The following PDE9A variants were observed in gnomAD, a reference collection of about 807,000 sequenced individuals.
PDE9A encodes phosphodiesterase 9A, also known as high affinity cGMP-specific 3',5'-cyclic phosphodiesterase 9A.
A neutral mutation model predicts 87.4 loss-of-function variants in PDE9A; 60 were observed. The observed-to-expected ratio is 0.69, with a 90% confidence interval of 0.56 to 0.85. The LOEUF is 0.85. PDE9A is among the 40% of genes least tolerant of loss of function. The probability of loss-of-function intolerance (pLI) is 0.00; values close to 1 mark genes in which losing one functional copy is unlikely to be tolerated. For missense variants in PDE9A, 665 were observed against 779.0 expected (o/e 0.85, Z 1.74); for synonymous variants, 272 against 279.4 (o/e 0.97, Z 0.27).
intron 3 of PDE9A, chr21:42,697,407 T>C: frequency 6.3e-7 from 1 of 1,598,972 alleles, no homozygotes; most frequent in East Asian, 2.2e-5. Context: ...CTGTGTTTCT[T>C]CTTCCAGGAA....
rs1228619146 is a variant in PDE9A, at chr21:42,746,339, C to T, written c.653+2479C>T. 2.6e-5 allele frequency among the ~76,000 whole-genome samples: 4 copies of T among 152,200 alleles called. No individual in the cohort carries two copies. The South Asian group carries it at 6.2e-4, about 24-fold the overall frequency. On this transcript the variant is annotated intron_variant, in intron 8 of 19. Transcript: ENST00000291539. The stretch of plus-strand genomic sequence containing the variant: ...CAGCTTAAAACAATAGAAATGTATT[C>T]CCACATAGTTCTGGAGGCCACAAGT...
intron 1 of PDE9A, 62 bp downstream of exon 1, chr21:42,653,945 G>A: frequency 2.9e-6 from 3 of 1,019,496 alleles, no homozygotes; most frequent in South Asian, 2.9e-5. Flanking sequence ...GGGGCCGGGC[G>A]CGGCGGGGCG....
In PDE9A at chr21:42,709,275, G is replaced by A. The variant is rs376790883; in HGVS notation, c.262+10264G>A. Among the ~76,000 whole-genome samples, 20 of 152,212 alleles carry A rather than the reference G, an allele frequency of 1.3e-4. No individual in the cohort carries two copies. In the South Asian group the frequency reaches 1.9e-3, roughly 14 times the overall value. ...AATGAGAACACATGGACACAGGGAG[G>A]GGAATAACACACACTGGGGCCTGTT... On this transcript the variant is annotated intron_variant, in intron 4 of 19. Coordinates refer to ENST00000291539, the MANE Select transcript of PDE9A (RefSeq NM_002606.3).
intron 1 of PDE9A, among the ~76,000 whole-genome samples, chr21:42,684,949 C>A (rs1411771380): frequency 6.6e-6 from 1 of 151,016 alleles, no homozygotes; most frequent in Non-Finnish European, 1.5e-5. Flanking sequence ...TTCACTGTTT[C>A]CAAGTAAAGA....
At chr21:42,721,477 G>A (rs1373588360) in intron 4 of PDE9A, among the ~76,000 whole-genome samples, 1 of 152,204 alleles carries the variant, frequency 6.6e-6, no homozygotes, top group African/African-American at 2.4e-5. Flanking sequence ...GGCAGGACAG[G>A]CCAGAGGAAG....
At chr21:42,654,913 C>G (rs2056933373) in intron 1 of PDE9A, among the ~76,000 whole-genome samples, 1 of 152,130 alleles carries the variant, frequency 6.6e-6, no homozygotes. Context: ...TCTTCAAGGA[C>G]AGGTGGTCAC....
chr21:42,729,181 T>C (rs966817151), intron 4 of PDE9A, among the ~76,000 whole-genome samples: 2 of 152,176 alleles, frequency 1.3e-5, no homozygotes, highest in Admixed American at 1.3e-4. Context: ...TTGCTATAGG[T>C]TGTTTAAATT....
At chr21:42,738,823 T>G (rs558592231) in intron 7 of PDE9A, among the ~76,000 whole-genome samples, 1 of 152,180 alleles carries the variant, frequency 6.6e-6, no homozygotes. Context: ...GTAGCTGGAA[T>G]TACAGGCAGC....
intron 9 of PDE9A, 49 bp downstream of exon 9, chr21:42,751,246 C>A: frequency 1.5e-6 from 2 of 1,312,316 alleles, no homozygotes; most frequent in Non-Finnish European, 2.2e-6. Flanking sequence ...GTCCCCAGCC[C>A]CACGCCCAGC....
In PDE9A at chr21:42,675,596, G is replaced by A. The variant is rs367870521; in HGVS notation, c.70-10596G>A. Among the ~76,000 whole-genome samples the A allele has an allele frequency of 9.2e-5, 14 of 152,318 alleles. No homozygotes were observed. The East Asian group carries it at 1.5e-3, about 17-fold the overall frequency. ...TCCGACAGCGCTGTGTGGATACACG[G>A]GCCCGAACGGCGCCAGCCTCACTGC... On this transcript the variant is annotated intron_variant, in intron 1 of 19. Coordinates refer to ENST00000291539, the MANE Select transcript of PDE9A (RefSeq NM_002606.3). The surrounding 1 kb of genome is among the most constrained non-coding windows in gnomAD (Gnocchi z 4.3).
chr21:42,739,792 A>G lies in PDE9A; in HGVS notation c.569-3984A>G, dbSNP rs1189743954. On this transcript the variant is annotated intron_variant, in intron 7 of 19. Transcript: ENST00000291539. The surrounding 1 kb of genome is among the most constrained non-coding windows in gnomAD (Gnocchi z 4.1). ...GAGCTGGCTTAAAACAGAGCCTTGT[A>G]TGGACATGGGAAAAAAATTATAGGT... Among the ~76,000 whole-genome samples, 1 of 152,140 alleles carries G rather than the reference A, an allele frequency of 6.6e-6. No individual in the cohort carries two copies. Among genetic ancestry groups the G allele is most frequent in the East Asian group, 1.9e-4 (1 of 5,194 alleles).
chr21:42,767,399 A>G (rs1039254603), intron 15 of PDE9A, among the ~76,000 whole-genome samples: 3 of 152,134 alleles, frequency 2.0e-5, no homozygotes, highest in African/African-American at 7.2e-5. Context: ...GACTCCACAG[A>G]GGAGTCAAAG....
In PDE9A at chr21:42,691,449, A is replaced by G. The variant is rs144521585; in HGVS notation, c.218+3455A>G. Reference sequence around the variant, plus strand: ...AGTCACCAGCCCCATCATCGTCACCATCCTATCCAAAGTCATCCAGTACCA... The same window carrying G: ...AGTCACCAGCCCCATCATCGTCACCGTCCTATCCAAAGTCATCCAGTACCA... On this transcript the variant is annotated intron_variant, in intron 3 of 19. Coordinates refer to ENST00000291539, the MANE Select transcript of PDE9A (RefSeq NM_002606.3). Among the ~76,000 whole-genome samples, 26 of 150,574 alleles carry G rather than the reference A, an allele frequency of 1.7e-4. No individual in the cohort carries two copies. In the East Asian group the frequency reaches 5.2e-3, roughly 30 times the overall value.
At chr21:42,666,978 C>CG (rs1442960356) in intron 1 of PDE9A, among the ~76,000 whole-genome samples, 1 of 152,208 alleles carries the variant, frequency 6.6e-6, no homozygotes, top group Non-Finnish European at 1.5e-5. Context: ...TGGTGACCGC[C>CG]GACTCGCCCT....
At chr21:42,772,358 A>G (rs1266456706) in intron 18 of PDE9A, 81 bp from the exon 19 acceptor site, 1 of 914,920 alleles carries the variant, frequency 1.1e-6, no homozygotes, top group East Asian at 2.6e-5. Context: ...CCTCCAGGCA[A>G]CAGAAGCTGC....
chr21:42,710,697 C>T lies in PDE9A; in HGVS notation c.262+11686C>T, dbSNP rs369429608. ...TTTGTGTAGTGTCTGTTCAACAATA[C>T]TTTGCTCAGGCCAGGTCCGGTGGCT... On this transcript the variant is annotated intron_variant, in intron 4 of 19. Coordinates refer to ENST00000291539, the MANE Select transcript of PDE9A (RefSeq NM_002606.3). Among the ~76,000 whole-genome samples the T allele has an allele frequency of 1.2e-4, 19 of 152,246 alleles. No individual in the cohort carries two copies. In the South Asian group the frequency reaches 1.9e-3, roughly 15 times the overall value.
At chr21:42,726,066 G>A (rs979950647) in intron 4 of PDE9A, among the ~76,000 whole-genome samples, 3 of 152,158 alleles carry the variant, frequency 2.0e-5, no homozygotes, top group African/African-American at 4.8e-5. Context: ...CCTAATGGCC[G>A]AGTGGCTCTC....
intron 10 of PDE9A, chr21:42,757,236 T>C (rs1183570044): frequency 2.0e-5 from 3 of 152,146 alleles, no homozygotes; most frequent in Non-Finnish European, 4.4e-5. Flanking sequence ...GGAAAACGAG[T>C]GTGTGGTTCA....
At chr21:42,684,946 T>C (rs1049824212) in intron 1 of PDE9A, among the ~76,000 whole-genome samples, 8 of 151,696 alleles carry the variant, frequency 5.3e-5, no homozygotes, top group Middle Eastern at 3.4e-3. Flanking sequence ...TATTTCACTG[T>C]TTCCAAGTAA....
Sources: allele counts gnomAD v4.1 joint callset (sites outside exome capture counted in the v4.1 genomes callset), GRCh38; gene constraint gnomAD v4.1.1; non-coding constraint Gnocchi (gnomAD v3.1); transcripts MANE v1.5; gene names NCBI Gene and HGNC (gene_info 2026-07-23, HGNC 2026-07-21).